GLIS3: variants seen among roughly 807,000 people sequenced by gnomAD.
The protein encoded by GLIS3 is GLIS family zinc finger 3, also known as zinc finger protein GLIS3.
GLIS3 carries 53 observed loss-of-function variants against 78.6 expected under a neutral mutation model. The observed-to-expected ratio is 0.67, with a 90% confidence interval of 0.54 to 0.85. GLIS3 has a LOEUF of 0.85. Ranked by LOEUF, GLIS3 falls within the 40% of genes least tolerant of loss-of-function variation. The probability of loss-of-function intolerance (pLI) is 0.00; values close to 1 mark genes in which losing one functional copy is unlikely to be tolerated. For missense variants in GLIS3, 1,703 were observed against 1,231.1 expected (o/e 1.38, Z -5.74); for synonymous variants, 684 against 509.9 (o/e 1.34, Z -4.60).
intron 2 of GLIS3, among the ~76,000 whole-genome samples, chr9:4,259,115 G>A (rs549125490): frequency 6.6e-6 from 1 of 152,144 alleles, no homozygotes; most frequent in East Asian, 1.9e-4. Flanking sequence ...TCACCACTTG[G>A]ATCTTATCTC....
chr9:4,299,396 C>T (rs1334216902), intron 1 of GLIS3, 25 bp downstream of exon 1: 1 of 152,358 alleles, frequency 6.6e-6, no homozygotes, highest in Non-Finnish European at 1.5e-5. Flanking sequence ...CGCCTGCGAG[C>T]AAAGTTCCTA....
upstream of GLIS3, among the ~76,000 whole-genome samples, chr9:4,353,069 G>C (rs893061031): frequency 2.0e-5 from 3 of 152,140 alleles, no homozygotes; most frequent in Admixed American, 6.6e-5. Flanking sequence ...GGGTATGGTG[G>C]CCACCTCTCA....
At chr9:3,843,347 T>A (rs1041704455) in intron 9 of GLIS3, among the ~76,000 whole-genome samples, 2 of 152,138 alleles carry the variant, frequency 1.3e-5, no homozygotes, top group Non-Finnish European at 2.9e-5. Flanking sequence ...CATAGCTGAG[T>A]CTCTATTATA....
chr9:4,468,601 C>T, the GLIS3 span, among the ~76,000 whole-genome samples: 1 of 152,194 alleles, frequency 6.6e-6, no homozygotes, highest in African/African-American at 2.4e-5. Context: ...ATTCTGTCAC[C>T]ACCAGGCCTG....
At chr9:4,084,256 A>AACACACACATACACACACACAC (rs1554691507) in intron 4 of GLIS3, among the ~76,000 whole-genome samples, 11 of 132,120 alleles carry the variant, frequency 8.3e-5, no homozygotes, top group South Asian at 5.2e-4. Context: ...TCCTCTCTCT[A>AACACACACATACACACACACAC]ACACACACAC....
At chr9:3,879,091 G>A (rs1329929579) in intron 8 of GLIS3, among the ~76,000 whole-genome samples, 1 of 152,076 alleles carries the variant, frequency 6.6e-6, no homozygotes, top group Non-Finnish European at 1.5e-5. Context: ...CTGACATCGG[G>A]AAGTGCTTCG....
intron 2 of GLIS3, among the ~76,000 whole-genome samples, chr9:4,252,643 G>T (rs1028432158): frequency 3.3e-5 from 5 of 152,068 alleles, no homozygotes; most frequent in African/African-American, 1.2e-4. Context: ...ATCCAGTTTT[G>T]TTCCCTTGCT....
chr9:4,221,487 C>T (rs886286941), intron 2 of GLIS3, among the ~76,000 whole-genome samples: 1 of 152,140 alleles, frequency 6.6e-6, no homozygotes, highest in African/African-American at 2.4e-5. Flanking sequence ...TATTCTTCTC[C>T]CATTCTCCTT....
At chr9:4,290,413 G>A (rs1028550459) in intron 1 of GLIS3, among the ~76,000 whole-genome samples, 1 of 151,960 alleles carries the variant, frequency 6.6e-6, no homozygotes, top group African/African-American at 2.4e-5. Context: ...TTCCCTTTGG[G>A]TTCATGACTG....
At chr9:3,840,268 C>T (rs903111233) in intron 9 of GLIS3, among the ~76,000 whole-genome samples, 5 of 152,112 alleles carry the variant, frequency 3.3e-5, no homozygotes, top group African/African-American at 1.2e-4. Flanking sequence ...CAACCTACTA[C>T]CATTAAGTAT....
intron 2 of GLIS3, among the ~76,000 whole-genome samples, chr9:4,169,004 T>C (rs1440854555): frequency 6.6e-6 from 1 of 152,232 alleles, no homozygotes; most frequent in Admixed American, 6.5e-5. Context: ...AAGTCTCAGG[T>C]AGTATTTGGA....
chr9:4,451,437 C>A, the GLIS3 span, among the ~76,000 whole-genome samples: 1 of 152,132 alleles, frequency 6.6e-6, no homozygotes, highest in African/African-American at 2.4e-5. Context: ...TTAGACAGAT[C>A]AACAAGACAG....
At chr9:4,437,402 C>CTGTATGTATGTA in the GLIS3 span, among the ~76,000 whole-genome samples, 1,371 of 124,274 alleles carry the variant, frequency 0.011, 17 homozygotes, top group African/African-American at 0.027. Context: ...AGGTATTTGA[C>CTGTATGTATGTA]TGTATGTATG....
At chr9:3,878,852 G>C (rs1821509611) in intron 8 of GLIS3, 1 of 158,004 alleles carries the variant, frequency 6.3e-6, no homozygotes, top group South Asian at 1.8e-4. Context: ...ATTTTGGTTT[G>C]TGGTACACAG....
At chr9:4,292,202 G>A (rs764994675) in intron 1 of GLIS3, among the ~76,000 whole-genome samples, 9 of 152,100 alleles carry the variant, frequency 5.9e-5, no homozygotes, top group Admixed American at 2.0e-4. Context: ...ATTCATTGGT[G>A]GTCCATGAAA....
intron 2 of GLIS3, among the ~76,000 whole-genome samples, chr9:4,250,356 G>C (rs1824246567): frequency 6.6e-6 from 1 of 152,162 alleles, no homozygotes. Flanking sequence ...GGGTGTATGT[G>C]TCCAGGAATT....
At chr9:3,851,776 T>C (rs1259882273) in intron 9 of GLIS3, among the ~76,000 whole-genome samples, 1 of 152,220 alleles carries the variant, frequency 6.6e-6, no homozygotes, top group Non-Finnish European at 1.5e-5. Flanking sequence ...GCAATCTACA[T>C]TTCCCCATGG....
Position 4,235,762 on chromosome 9 carries a change from T to C in GLIS3, c.388+50276A>G, listed in dbSNP as rs185705357. 2.0e-3 allele frequency among the ~76,000 whole-genome samples: 311 copies of C among 152,254 alleles called. 2 individuals are homozygous for C. The highest frequency in any genetic ancestry group is 4.2e-3 in the Admixed American group (64 of 15,298). ...GGATGAAAACCAAGATCATTATCAT[T>C]TAACCACTTTGCTGTACTTAAACAT... On this transcript the variant is annotated intron_variant, in intron 2 of 10. Coordinates refer to ENST00000381971, the MANE Select transcript of GLIS3 (RefSeq NM_001042413.2).
At chr9:3,991,399 G>A (rs1820222078) in intron 4 of GLIS3, among the ~76,000 whole-genome samples, 1 of 152,110 alleles carries the variant, frequency 6.6e-6, no homozygotes, top group South Asian at 2.1e-4. Context: ...TTAAGTACAA[G>A]AGACAGCATA....
Sources: gnomAD v4.1 joint callset for allele counts (sites outside exome capture counted in the v4.1 genomes callset) on GRCh38, gnomAD v4.1.1 for gene constraint, MANE v1.5 for transcripts, NCBI Gene and HGNC (gene_info 2026-07-23, HGNC 2026-07-21) for gene names.